Variants in RBM10 observed in about 807,000 individuals in gnomAD.
RBM10 encodes the protein RNA-binding protein 10.
A neutral mutation model predicts 84.9 loss-of-function variants in RBM10; 1 was observed. The ratio of observed to expected loss-of-function variants is 0.01; its 90% CI spans 0.00 to 0.06. The LOEUF is 0.06. Among genes scored for constraint, RBM10 ranks in the 10% least tolerant of loss-of-function variants. The pLI is 1.00. For synonymous variants in RBM10, 326 were observed against 344.5 expected (o/e 0.95, Z 0.60); for missense variants, 438 against 839.0 (o/e 0.52, Z 5.90).
chrX:47,150,880 A>C (rs2147077141), intron 2 of RBM10, among the ~76,000 whole-genome samples: 1 of 112,063 alleles, frequency 8.9e-6, no homozygotes. Context: ...TGTTACACTG[A>C]ACTTCTCTAT....
At chrX:47,179,082 G>A (rs1556777406) in intron 7 of RBM10, 21 bp from the exon 8 acceptor site, 7 of 1,204,603 alleles carry the variant, frequency 5.8e-6, no homozygotes, top group East Asian at 3.0e-5. Flanking sequence ...TCCCTCTGAC[G>A]GCCTGGCCTG....
At chrX:47,162,983 G>C (rs1933854080) in intron 2 of RBM10, among the ~76,000 whole-genome samples, 1 of 107,928 alleles carries the variant, frequency 9.3e-6, no homozygotes, top group Non-Finnish European at 1.9e-5. Flanking sequence ...GATAAGTCAT[G>C]TTGTTATCAT....
At chrX:47,147,560 CAAGAAGGTGCTAGGATG>C (rs1275530568) in intron 2 of RBM10, 62 bp downstream of exon 2, 18 of 1,170,060 alleles carry the variant, frequency 1.5e-5, no homozygotes, top group Non-Finnish European at 2.1e-5. Context: ...AGAATTGATC[CAAGAAGGTGCTAGGATG>C]GGGCTTCTGG....
At chrX:47,182,452 C>T (rs903364339) in intron 17 of RBM10, 126 bp downstream of exon 17, 4 of 965,437 alleles carry the variant, frequency 4.1e-6, no homozygotes, top group African/African-American at 1.9e-5. Flanking sequence ...GCAGTGACTG[C>T]TTAGCAGACC....
chrX:47,178,416 C>T (rs781813206), intron 7 of RBM10, among the ~76,000 whole-genome samples: 1 of 111,699 alleles, frequency 9.0e-6, no homozygotes, highest in Non-Finnish European at 1.9e-5. Flanking sequence ...CACCCCCAGC[C>T]CATTTCCCTC....
chrX:47,173,988 C>A (rs1252957731), intron 5 of RBM10, among the ~76,000 whole-genome samples: 1 of 89,566 alleles, frequency 1.1e-5, no homozygotes, highest in Non-Finnish European at 2.1e-5. Context: ...ATTATTCATT[C>A]CATCCTCCTA....
intron 2 of RBM10, among the ~76,000 whole-genome samples, chrX:47,149,161 T>C (rs1932561568): frequency 9.0e-6 from 1 of 111,322 alleles, no homozygotes; most frequent in South Asian, 3.7e-4. Context: ...CTGAACTTTG[T>C]ATTACTCAGA....
In RBM10 at chrX:47,182,167, C is replaced by T. The variant is rs782409885; in HGVS notation, c.1791C>T (p.Tyr597=). 8.3e-7 allele frequency: 1 copy of T among 1,211,916 alleles called. No homozygotes were observed. The change falls in exon 17 of 24, where the codon TAC becomes TAT. Residue 597 remains tyrosine, a synonymous_variant. Transcript: ENST00000377604. ...CTTCCCTCCTCCTCCCTCAGTATTA[C>T]TACAATGCTCAGAGCCAGCAGTACC... ...GLYYDPNSQY[Y]YNAQSQQYLY...
chrX:47,185,760 G>A lies in RBM10; in HGVS notation c.2400G>A (p.Glu800=), dbSNP rs1556782172. ...IHRRAHLSEN[E]LEALEKNDME... ...GGCGAGCCCACTTGTCAGAAAACGAGCTAGAAGCACTAGAGAAGAATGACA... is the reference window on the plus strand; with the variant it reads ...GGCGAGCCCACTTGTCAGAAAACGAACTAGAAGCACTAGAGAAGAATGACA... Residue 800 remains glutamate (E), a synonymous_variant, in exon 21 of 24, where the codon GAG becomes GAA. Coordinates refer to ENST00000377604, the MANE Select transcript of RBM10 (RefSeq NM_005676.5). 8.3e-7 allele frequency: 1 copy of A among 1,211,779 alleles called. No homozygotes were observed. Among genetic ancestry groups the A allele is most frequent in the Admixed American group, 2.2e-5 (1 of 46,068 alleles).
chrX:47,173,341 CT>C, intron 5 of RBM10, 144 bp downstream of exon 5: 1 of 1,144,541 alleles, frequency 8.7e-7, no homozygotes, highest in Non-Finnish European at 1.2e-6. Context: ...GCCCTCTCTT[CT>C]CTCCCACTCC....
At chrX:47,150,319 C>T (rs1459375174) in intron 2 of RBM10, among the ~76,000 whole-genome samples, 1 of 110,428 alleles carries the variant, frequency 9.1e-6, no homozygotes, top group Admixed American at 9.7e-5. Flanking sequence ...CAGGCGCCCG[C>T]CACCACACCT....
intron 5 of RBM10, among the ~76,000 whole-genome samples, chrX:47,173,809 C>T (rs1357331670): frequency 2.8e-5 from 3 of 107,328 alleles, no homozygotes; most frequent in African/African-American, 1.0e-4. Context: ...TCTGCCCAGG[C>T]TCCCCAAGGC....
rs1365202824 is a variant in RBM10 at position 47,179,862 on chromosome X, T to C, written c.902-18T>C. On this transcript the variant is annotated intron_variant, in intron 9 of 23. Transcript: ENST00000377604. ...AGAGTGCCAGGGGTGTCCTCTAACA[T>C]TGGGCCCCTTCCCACAGCCATCATT... The C allele has an allele frequency of 2.5e-6, 3 of 1,195,274 alleles. No individual in the cohort carries two copies. The highest frequency in any genetic ancestry group is 2.3e-4 in the Middle Eastern group (1 of 4,361).
In RBM10 at chrX:47,180,268, C is replaced by A. The variant is rs1556778418; in HGVS notation, c.1119C>A (p.Asp373Glu). 8.3e-7 allele frequency: 1 copy of A among 1,205,037 alleles called. No homozygotes were observed. ...LQALHPPLTI[D>E]GKTINVEFAK... Reference sequence around the variant, plus strand: ...CCCTGCACCCACCACTCACTATCGACGGCAAGACCATCAATGTTGAGTTTG... The same window carrying A: ...CCCTGCACCCACCACTCACTATCGAAGGCAAGACCATCAATGTTGAGTTTG... Residue 373 changes from aspartate (D) to glutamate (E), a missense_variant, in exon 11 of 24, where the codon GAC becomes GAA. Coordinates refer to ENST00000377604, the MANE Select transcript of RBM10 (RefSeq NM_005676.5).
At chrX:47,147,110 T>C (rs1932317232) in intron 1 of RBM10, among the ~76,000 whole-genome samples, 2 of 111,863 alleles carry the variant, frequency 1.8e-5, no homozygotes, top group Admixed American at 9.5e-5. Context: ...CTCTGCAAGA[T>C]GCCCCCTGTC....
chrX:47,157,663 G>A, intron 2 of RBM10: 1 of 531,475 alleles, frequency 1.9e-6, no homozygotes, highest in Non-Finnish European at 3.4e-6. Context: ...CTGTGCACCA[G>A]CTCCAGGGAC....
intron 2 of RBM10, among the ~76,000 whole-genome samples, chrX:47,162,761 C>T (rs1933834463): frequency 9.1e-6 from 1 of 110,226 alleles, no homozygotes; most frequent in Non-Finnish European, 1.9e-5. Flanking sequence ...GTAATCCCAG[C>T]TACTTGGGAG....
chrX:47,162,442 A>G (rs1432633821), intron 2 of RBM10, among the ~76,000 whole-genome samples: 1 of 112,076 alleles, frequency 8.9e-6, no homozygotes. Flanking sequence ...GTATAGTACA[A>G]TACTATATTA....
intron 7 of RBM10, among the ~76,000 whole-genome samples, chrX:47,177,894 G>C (rs1367595126): frequency 1.8e-5 from 2 of 111,877 alleles, no homozygotes; most frequent in Non-Finnish European, 3.8e-5. Context: ...TGGGATTACA[G>C]GCGTGAGCCA....
Sources: gnomAD v4.1 joint callset for allele counts (sites outside exome capture counted in the v4.1 genomes callset) on GRCh38, gnomAD v4.1.1 for gene constraint, MANE v1.5 for transcripts, NCBI Gene and HGNC (gene_info 2026-07-23, HGNC 2026-07-21) for gene names.